Variants in TTC7A observed in about 807,000 individuals in gnomAD.
TTC7A encodes the protein tetratricopeptide repeat protein 7A.
TTC7A carries 110 observed loss-of-function variants against 103.7 expected under a neutral mutation model. The ratio of observed to expected loss-of-function variants is 1.06; its 90% CI spans 0.91 to 1.24. The LOEUF (loss-of-function observed/expected upper bound fraction) is 1.24. TTC7A is among the 50% of genes most tolerant of loss of function. The probability of loss-of-function intolerance (pLI) is 0.00; values close to 1 mark genes in which losing one functional copy is unlikely to be tolerated. For synonymous variants in TTC7A, 521 were observed against 467.9 expected (o/e 1.11, Z -1.47); for missense variants, 1,340 against 1,116.3 (o/e 1.20, Z -2.86).
At chr2:46,939,949 T>A (rs1572665493), upstream of TTC7A, among the ~76,000 whole-genome samples, 1 of 151,994 alleles carries the variant, frequency 6.6e-6, no homozygotes, top group African/African-American at 2.4e-5. Context: ...TTCAGAACAG[T>A]CCCCAGGTGC....
At chr2:46,916,079 C>A (rs753237818), upstream of TTC7A, 145 of 985,420 alleles carry the variant, frequency 1.5e-4, no homozygotes, top group Non-Finnish European at 1.7e-4. Context: ...CCCTCAGGAA[C>A]GTAGTTCCAC....
At chr2:46,997,415 A>G (rs1180418805) in intron 8 of TTC7A, among the ~76,000 whole-genome samples, 4 of 152,148 alleles carry the variant, frequency 2.6e-5, no homozygotes, top group Admixed American at 6.5e-5. Flanking sequence ...TTAGGTGCGC[A>G]TTATGTTGAG....
At chr2:47,042,503 T>TA (rs11315139) in intron 15 of TTC7A, among the ~76,000 whole-genome samples, 59 of 149,904 alleles carry the variant, frequency 3.9e-4, no homozygotes, top group Non-Finnish European at 4.6e-4. Context: ...CTTGTCTCTT[T>TA]AAAAAAAAAA....
intron 2 of TTC7A, among the ~76,000 whole-genome samples, chr2:46,923,782 G>C (rs1669236436): frequency 6.6e-6 from 1 of 151,986 alleles, no homozygotes; most frequent in African/African-American, 2.4e-5. Flanking sequence ...CACCAGGCTG[G>C]AGTGCAATGG....
exon 1 of TTC7A, chr2:46,916,367 G>C (rs1668790281): frequency 6.1e-6 from 1 of 164,184 alleles, no homozygotes; most frequent in African/African-American, 2.4e-5. Flanking sequence ...TCGCTTCCAC[G>C]GGAGTCCCAG....
chr2:46,916,314 C>T, exon 1 of TTC7A: 2 of 368,920 alleles, frequency 5.4e-6, no homozygotes, highest in Non-Finnish European at 7.5e-6. Flanking sequence ...CTTCCAGCGT[C>T]TGCCAGCTCC....
chr2:46,970,668 G>T (rs961020970), intron 3 of TTC7A, among the ~76,000 whole-genome samples: 1 of 152,224 alleles, frequency 6.6e-6, no homozygotes, highest in East Asian at 1.9e-4. Flanking sequence ...TCGTAGGTTC[G>T]CCCCACCTTC....
intron 19 of TTC7A, among the ~76,000 whole-genome samples, chr2:47,069,796 G>A (rs960061497): frequency 6.6e-6 from 1 of 152,206 alleles, no homozygotes; most frequent in Non-Finnish European, 1.5e-5. Context: ...GGTGGCGTTA[G>A]GGAGGGCCCT....
At chr2:46,924,313 C>G (rs1018863928) in intron 2 of TTC7A, among the ~76,000 whole-genome samples, 3 of 151,610 alleles carry the variant, frequency 2.0e-5, no homozygotes, top group African/African-American at 7.3e-5. Context: ...ATCAGCTCAT[C>G]AACATTCTTC....
chr2:47,023,301 T>G, intron 12 of TTC7A, 107 bp from the exon 13 acceptor site: 2 of 1,207,832 alleles, frequency 1.7e-6, no homozygotes, highest in South Asian at 2.6e-5. Context: ...GATGGGACCC[T>G]GGTGGGGCCT....
At chr2:46,945,700 C>T (rs1670875887) in intron 1 of TTC7A, among the ~76,000 whole-genome samples, 1 of 152,096 alleles carries the variant, frequency 6.6e-6, no homozygotes, top group Non-Finnish European at 1.5e-5. Flanking sequence ...CTTTGAGTGT[C>T]TCTTAATCTG....
At chr2:47,036,770 A>G (rs1331096115) in intron 15 of TTC7A, among the ~76,000 whole-genome samples, 1 of 152,136 alleles carries the variant, frequency 6.6e-6, no homozygotes, top group Admixed American at 6.5e-5. Flanking sequence ...GGGTGAGAGG[A>G]TTGGTTGAGC....
chr2:46,957,043 G>C, intron 3 of TTC7A, 36 bp downstream of exon 3: 1 of 1,613,592 alleles, frequency 6.2e-7, no homozygotes, highest in Non-Finnish European at 8.5e-7. Context: ...CCCCTCCACT[G>C]TGTGCAGCTC....
intron 18 of TTC7A, chr2:47,054,109 A>T (rs1683124011): frequency 1.0e-6 from 1 of 985,276 alleles, no homozygotes; most frequent in Admixed American, 6.1e-5. Flanking sequence ...CACAGAAGAG[A>T]ACTCCGAGAA....
At chr2:46,970,499 G>C (rs1426402226) in intron 3 of TTC7A, among the ~76,000 whole-genome samples, 1 of 152,248 alleles carries the variant, frequency 6.6e-6, no homozygotes, top group Non-Finnish European at 1.5e-5. Context: ...ACCCATCCCA[G>C]TGCTGGACCC....
At chr2:47,067,758 G>A (rs1034974570) in intron 19 of TTC7A, 6 of 152,128 alleles carry the variant, frequency 3.9e-5, no homozygotes, top group African/African-American at 1.2e-4. Context: ...GTTAGAATTA[G>A]GTTAAATAAT....
At chr2:47,019,133 G>A (rs888813871) in intron 11 of TTC7A, among the ~76,000 whole-genome samples, 1 of 152,118 alleles carries the variant, frequency 6.6e-6, no homozygotes, top group Non-Finnish European at 1.5e-5. Context: ...GTGTGCTATT[G>A]TATTGTATAT....
intron 14 of TTC7A, among the ~76,000 whole-genome samples, chr2:47,029,017 C>G (rs564206617): frequency 6.6e-6 from 1 of 152,216 alleles, no homozygotes; most frequent in Non-Finnish European, 1.5e-5. Flanking sequence ...CACCACAAAC[C>G]TGCTTCTCTT....
chr2:46,980,189 T>TGTTTTCTTCTA (rs1400802810), intron 5 of TTC7A, among the ~76,000 whole-genome samples: 10 of 151,968 alleles, frequency 6.6e-5, no homozygotes, highest in Non-Finnish European at 1.3e-4. Context: ...GCAAACTTAC[T>TGTTTTCTTCTA]GTTTTCTTCT....
Sources: allele counts gnomAD v4.1 joint callset (sites outside exome capture counted in the v4.1 genomes callset), GRCh38; gene constraint gnomAD v4.1.1; transcripts MANE v1.5; gene names NCBI Gene and HGNC (gene_info 2026-07-23, HGNC 2026-07-21).